Variants in SFMBT2 observed in about 807,000 individuals in gnomAD.
SFMBT2 encodes the protein Scm like with four mbt domains 2, also known as scm-like with four MBT domains protein 2.
In SFMBT2, 38 loss-of-function variants were observed where a neutral mutation model predicts 110.1. That is an observed-to-expected ratio of 0.35 (90% confidence interval 0.27 to 0.45). The LOEUF is 0.45. Ranked by LOEUF, SFMBT2 falls within the 20% of genes least tolerant of loss-of-function variation. The pLI, the probability that SFMBT2 is intolerant of heterozygous loss-of-function variation, is 1.00. For synonymous variants in SFMBT2, 425 were observed against 425.4 expected, an observed-to-expected ratio of 1.00 and a Z score of 0.01; for missense variants, 1,011 against 1,094.9, an observed-to-expected ratio of 0.92 and a Z score of 1.08.
chr10:7,207,474 A>AAAGG (rs1276770570), intron 11 of SFMBT2: 13 of 17,408 alleles, frequency 7.5e-4, no homozygotes, highest in Admixed American at 3.0e-3. Flanking sequence ...AAAGAAAGAG[A>AAAGG]AAGGAAGGAA....
chr10:7,351,811 C>T (rs1456211406), intron 4 of SFMBT2, among the ~76,000 whole-genome samples: 1 of 151,690 alleles, frequency 6.6e-6, no homozygotes, highest in African/African-American at 2.4e-5. Context: ...GCTATTAGGG[C>T]GCAGATACTT....
chr10:7,395,097 T>G (rs985237334), intron 1 of SFMBT2, among the ~76,000 whole-genome samples: 1 of 152,122 alleles, frequency 6.6e-6, no homozygotes, highest in East Asian at 1.9e-4. Context: ...GGTGGGTGGA[T>G]TACCTGAGGT....
chr10:7,172,195 C>G lies in SFMBT2; in HGVS notation c.2152-37G>C. 1 of 1,520,878 alleles carries G rather than the reference C, an allele frequency of 6.6e-7. No individual in the cohort carries two copies. Among genetic ancestry groups the G allele is most frequent in the Non-Finnish European group, 8.8e-7 (1 of 1,134,210 alleles). 94.2% of individuals were successfully genotyped at this position (1,520,878 alleles called of 1,614,324 possible). On this transcript the variant is annotated intron_variant, in intron 18 of 20. Transcript: ENST00000397167. This position sits in a 1 kb window ranked among gnomAD's most constrained non-coding sequence, Gnocchi z 4.6. Reference sequence around the variant, plus strand: ...GAAAAGGCATTTAAGGGGCTGGTGGCCCGGGGGCCTGTAGCGGTGGCCCCG... The same window carrying G: ...GAAAAGGCATTTAAGGGGCTGGTGGGCCGGGGGCCTGTAGCGGTGGCCCCG...
At chr10:7,284,666 T>C (rs1468443064) in intron 5 of SFMBT2, 5 of 249,174 alleles carry the variant, frequency 2.0e-5, no homozygotes, top group Non-Finnish European at 3.2e-5. Context: ...GACGAAGGCA[T>C]GAGTGTGTGT....
At chr10:7,407,272 G>A (rs932169332) in intron 1 of SFMBT2, among the ~76,000 whole-genome samples, 1 of 133,070 alleles carries the variant, frequency 7.5e-6, no homozygotes, top group Admixed American at 8.1e-5. Flanking sequence ...CCCAGGAAAC[G>A]AGGCCACATT....
At chr10:7,300,441 C>A (rs1842526889) in intron 4 of SFMBT2, among the ~76,000 whole-genome samples, 1 of 152,228 alleles carries the variant, frequency 6.6e-6, no homozygotes, top group Admixed American at 6.5e-5. Flanking sequence ...TTCACTCCAA[C>A]TTCCAAGGTA....
At chr10:7,400,459 G>T (rs905379020) in intron 1 of SFMBT2, among the ~76,000 whole-genome samples, 4 of 152,212 alleles carry the variant, frequency 2.6e-5, no homozygotes, top group South Asian at 2.1e-4. Context: ...TTGTCCCACA[G>T]AGGGTAGATT....
chr10:7,346,497 T>C (rs1844116177), intron 4 of SFMBT2, among the ~76,000 whole-genome samples: 1 of 152,180 alleles, frequency 6.6e-6, no homozygotes, highest in African/African-American at 2.4e-5. Flanking sequence ...CAAGGAAAAG[T>C]GCATCCCCTA....
chr10:7,323,475 AAAAAAAAAAT>A (rs1843266994), intron 4 of SFMBT2, among the ~76,000 whole-genome samples: 1 of 150,934 alleles, frequency 6.6e-6, no homozygotes, highest in African/African-American at 2.4e-5. Flanking sequence ...AAAACCAAAA[AAAAAAAAAAT>A]GAGGAAAATA....
chr10:7,207,718 G>A (rs914410880), intron 11 of SFMBT2: 10 of 519,708 alleles, frequency 1.9e-5, no homozygotes, highest in African/African-American at 2.0e-5. Flanking sequence ...TCTGGTGCGA[G>A]CTCCACCGGC....
intron 7 of SFMBT2, among the ~76,000 whole-genome samples, chr10:7,274,073 T>C (rs1350315587): frequency 6.6e-6 from 1 of 152,182 alleles, no homozygotes; most frequent in Non-Finnish European, 1.5e-5. Flanking sequence ...ATGTGGCACA[T>C]ATACACCATG....
At position 7,207,637 on chromosome 10, in the gene SFMBT2, T is replaced by A. The variant is rs573697364; in HGVS notation, c.1331-1709A>T. On this transcript the variant is annotated intron_variant, in intron 11 of 20. Transcript: ENST00000397167. ...AACATCTGAAGAATTCTGAATCACA[T>A]CCTCCCTCCCCACCAAAACCATAAC... 2.5e-5 allele frequency: 25 copies of A among 983,408 alleles called. No homozygotes were observed. In the African/African-American group the frequency reaches 4.4e-4, roughly 17 times the overall value. The allele number at this position is 983,408 out of a possible 1,614,324, so 60.9% of individuals were successfully genotyped here. A position where few individuals can be genotyped will look rare whatever the true frequency, so the allele number is the denominator to read the frequency against.
rs187927010 is a variant in SFMBT2, at chr10:7,277,029, C to A, written c.773-40G>T. The A allele has an allele frequency of 1.8e-4, 151 of 838,436 alleles. No individual in the cohort carries two copies. In the African/African-American group the frequency reaches 2.3e-3, roughly 13 times the overall value. 51.9% of individuals were successfully genotyped at this position (838,436 alleles called of 1,614,324 possible). On this transcript the variant is annotated intron_variant, in intron 6 of 20. Coordinates refer to ENST00000397167, the MANE Select transcript of SFMBT2 (RefSeq NM_001387889.1). ...AATCACAGAAGAGTTGAAGGACTAA[C>A]ACGTTCTGCCGGGTGACTCTTTCCT...
intron 15 of SFMBT2, among the ~76,000 whole-genome samples, chr10:7,196,907 C>T (rs1838788014): frequency 6.6e-6 from 1 of 152,226 alleles, no homozygotes; most frequent in Admixed American, 6.5e-5. Context: ...CCTTCATCAA[C>T]ATCCTCAGGA....
intron 14 of SFMBT2, 81 bp downstream of exon 14, chr10:7,200,333 T>C: frequency 1.8e-6 from 2 of 1,100,226 alleles, no homozygotes; most frequent in Non-Finnish European, 2.5e-6. Flanking sequence ...TGTATTCATA[T>C]CGACCTAGAA....
intron 7 of SFMBT2, among the ~76,000 whole-genome samples, chr10:7,263,426 G>A (rs1383166019): frequency 6.6e-6 from 1 of 152,098 alleles, no homozygotes; most frequent in Admixed American, 6.6e-5. Context: ...ATTTTTAGTA[G>A]AGACAGGGTT....
intron 9 of SFMBT2, chr10:7,228,386 A>G (rs201344979): frequency 3.6e-6 from 3 of 832,604 alleles, no homozygotes; most frequent in East Asian, 2.4e-4. Context: ...TAAAAAAAAA[A>G]AAAACAAAAC....
intron 11 of SFMBT2, among the ~76,000 whole-genome samples, chr10:7,212,096 A>T (rs1441696036): frequency 6.6e-6 from 1 of 152,200 alleles, no homozygotes; most frequent in Non-Finnish European, 1.5e-5. Flanking sequence ...CTGCTAAGGG[A>T]CTTGGAGGCA....
At chr10:7,194,828 C>T (rs909542636) in intron 15 of SFMBT2, among the ~76,000 whole-genome samples, 1 of 152,154 alleles carries the variant, frequency 6.6e-6, no homozygotes, top group African/African-American at 2.4e-5. Context: ...TTAAATTTGG[C>T]CGCTGGCACT....
Sources: gnomAD v4.1 joint callset for allele counts (sites outside exome capture counted in the v4.1 genomes callset) on GRCh38, gnomAD v4.1.1 for gene constraint, Gnocchi (gnomAD v3.1) non-coding constraint, MANE v1.5 for transcripts, NCBI Gene and HGNC (gene_info 2026-07-23, HGNC 2026-07-21) for gene names.